DIP2A: variants seen among roughly 807,000 people sequenced by gnomAD.
The protein encoded by DIP2A is DIP2 acetate--CoA ligase A.
DIP2A carries 85 observed loss-of-function variants against 177.4 expected under a neutral mutation model. The observed-to-expected ratio is 0.48, with a 90% CI of 0.40 to 0.57. DIP2A has a LOEUF of 0.57. Ranked by LOEUF, DIP2A falls within the 20% of genes least tolerant of loss-of-function variation. DIP2A has a pLI of 0.00. For synonymous variants in DIP2A, 886 were observed against 881.8 expected, an observed-to-expected ratio of 1.00 and a Z score of -0.08; for missense variants, 1,791 against 2,100.2, an observed-to-expected ratio of 0.85 and a Z score of 2.88.
At chr21:46,513,335 T>A (rs2058398303) in intron 8 of DIP2A, among the ~76,000 whole-genome samples, 2 of 152,242 alleles carry the variant, frequency 1.3e-5, no homozygotes, top group African/African-American at 4.8e-5. Context: ...TCTAACTGAC[T>A]CAGTATCATT....
At chr21:46,507,246 T>A (rs1035718740) in intron 6 of DIP2A, among the ~76,000 whole-genome samples, 1 of 152,222 alleles carries the variant, frequency 6.6e-6, no homozygotes, top group Admixed American at 6.5e-5. Context: ...CAAATTTTTT[T>A]ATATATTGTG....
Position 46,537,890 on chromosome 21 carries a change from C to T in DIP2A, c.1801+351C>T, listed in dbSNP as rs1569064449. The stretch of plus-strand genomic sequence containing the variant: ...GTCTCTGCCCTGTGGAGCTCAGTGG[C>T]ACTTCTACCAGCCACTGAGGCACTG... On this transcript the variant is annotated intron_variant, in intron 15 of 37. Coordinates refer to ENST00000417564, the MANE Select transcript of DIP2A (RefSeq NM_015151.4). This position sits in a 1 kb window ranked among gnomAD's most constrained non-coding sequence, Gnocchi z 4.1. Among the ~76,000 whole-genome samples the T allele has an allele frequency of 6.6e-6, 1 of 152,182 alleles. No individual in the cohort carries two copies. The highest frequency in any genetic ancestry group is 6.5e-5 in the Admixed American group (1 of 15,286).
intron 26 of DIP2A, 60 bp downstream of exon 26, chr21:46,554,352 C>A: frequency 6.2e-7 from 1 of 1,600,216 alleles, no homozygotes. Flanking sequence ...CTATCCTAAG[C>A]AGCCCCCTAG....
intron 5 of DIP2A, among the ~76,000 whole-genome samples, chr21:46,503,628 CTTT>C (rs2148569150): frequency 8.1e-6 from 1 of 123,672 alleles, no homozygotes; most frequent in Non-Finnish European, 1.7e-5. Context: ...TTCTTTCTTT[CTTT>C]CTTTCCTTTC....
chr21:46,534,381 C>G (rs955311938), intron 12 of DIP2A, among the ~76,000 whole-genome samples: 3 of 152,298 alleles, frequency 2.0e-5, no homozygotes, highest in South Asian at 2.1e-4. Flanking sequence ...CCCTCGGGCA[C>G]CTGCCCAAGA....
chr21:46,583,176 A>G, the DIP2A span, among the ~76,000 whole-genome samples: 2 of 152,222 alleles, frequency 1.3e-5, no homozygotes, highest in African/African-American at 2.4e-5. Flanking sequence ...AGAAGGGTCA[A>G]TCTATCAGGA....
chr21:46,560,755 G>A lies in DIP2A; in HGVS notation c.4003G>A (p.Val1335Met), dbSNP rs775079642. ...TAGPDPTTVY[V>M]DMRALRHDRV... ...TGGCCCGGACCCCACAACCGTCTAC[G>A]TGGACATGCGGGCACTGCGCCATGA... Residue 1335 changes from valine to methionine, a missense_variant, in exon 33 of 38, where the codon GTG (valine) becomes ATG (methionine). Transcript: ENST00000417564. The A allele has an allele frequency of 3.7e-6, 6 of 1,609,066 alleles. No homozygotes were observed. In the African/African-American group the frequency reaches 4.0e-5, roughly 11 times the overall value.
At chr21:46,524,981 G>A (rs930468616) in intron 8 of DIP2A, among the ~76,000 whole-genome samples, 1 of 138,716 alleles carries the variant, frequency 7.2e-6, no homozygotes, top group African/African-American at 2.8e-5. Context: ...CTGCCTTCCG[G>A]ATCAAACAAT....
intron 11 of DIP2A, 120 bp from the exon 12 acceptor site, chr21:46,533,883 TA>T: frequency 9.9e-7 from 1 of 1,005,082 alleles, no homozygotes; most frequent in Non-Finnish European, 1.5e-6. Flanking sequence ...GAAATGAGAC[TA>T]AAACTTGCAC....
intron 2 of DIP2A, among the ~76,000 whole-genome samples, chr21:46,488,961 A>T (rs549850619): frequency 6.6e-6 from 1 of 152,326 alleles, no homozygotes; most frequent in Admixed American, 6.5e-5. Flanking sequence ...TATCATCCAT[A>T]AGGTGTAAGA....
intron 6 of DIP2A, among the ~76,000 whole-genome samples, chr21:46,506,731 T>TCTTCCTTTCTTC (rs1186713899): frequency 1.4e-5 from 1 of 73,824 alleles, no homozygotes; most frequent in Non-Finnish European, 3.4e-5. Flanking sequence ...TGTTTTTCTT[T>TCTTCCTTTCTTC]CTTTCTTTCT....
intron 5 of DIP2A, among the ~76,000 whole-genome samples, chr21:46,502,497 G>A (rs537927192): frequency 1.9e-3 from 270 of 142,550 alleles, no homozygotes; most frequent in Non-Finnish European, 2.8e-3. Flanking sequence ...CCCCAGGCTG[G>A]AGTGCAGTGG....
intron 2 of DIP2A, among the ~76,000 whole-genome samples, chr21:46,488,012 G>T (rs2056793081): frequency 6.6e-6 from 1 of 152,164 alleles, no homozygotes; most frequent in African/African-American, 2.4e-5. Flanking sequence ...TTTTGAAAAA[G>T]AACACTGGTG....
chr21:46,522,040 C>T lies in DIP2A; in HGVS notation c.1103-7052C>T, dbSNP rs778543401. Among the ~76,000 whole-genome samples the T allele has an allele frequency of 5.9e-5, 9 of 152,200 alleles. No homozygotes were observed. The South Asian group carries it at 6.2e-4, about 11-fold the overall frequency. On this transcript the variant is annotated intron_variant, in intron 8 of 37. Coordinates refer to ENST00000417564, the MANE Select transcript of DIP2A (RefSeq NM_015151.4). ...GTTAACCGAAGAAGCAGTTTATGAC[C>T]GTAAAGCATTTAGCAAACCTAATAT...
chr21:46,559,643 C>T (rs772971219), intron 32 of DIP2A, among the ~76,000 whole-genome samples: 3 of 152,192 alleles, frequency 2.0e-5, no homozygotes, highest in Non-Finnish European at 2.9e-5. Flanking sequence ...TGCTAGACGT[C>T]GGAAGGGTAT....
intron 9 of DIP2A, 105 bp from the exon 10 acceptor site, chr21:46,532,022 C>A: frequency 9.9e-7 from 1 of 1,010,234 alleles, no homozygotes; most frequent in Non-Finnish European, 1.5e-6. Context: ...ACAATTATTA[C>A]AATATTTGGG....
intron 1 of DIP2A, among the ~76,000 whole-genome samples, chr21:46,474,784 G>C (rs192095157): frequency 6.6e-6 from 1 of 152,248 alleles, no homozygotes; most frequent in East Asian, 1.9e-4. Context: ...CATCCTGCTA[G>C]GTTTTCAGAA....
At chr21:46,511,233 A>G (rs904247426) in intron 7 of DIP2A, among the ~76,000 whole-genome samples, 184 bp from the exon 8 acceptor site, 1 of 152,216 alleles carries the variant, frequency 6.6e-6, no homozygotes, top group Non-Finnish European at 1.5e-5. Context: ...ATCATCCATG[A>G]CTAAAGCTCC....
the DIP2A span, among the ~76,000 whole-genome samples, chr21:46,575,185 C>T: frequency 8.6e-5 from 13 of 152,024 alleles, no homozygotes; most frequent in African/African-American, 1.7e-4. Flanking sequence ...CACATGTGAT[C>T]GTCTCGATTG....
Sources: allele counts gnomAD v4.1 joint callset (sites outside exome capture counted in the v4.1 genomes callset), GRCh38; gene constraint gnomAD v4.1.1; non-coding constraint Gnocchi (gnomAD v3.1); transcripts MANE v1.5; gene names NCBI Gene and HGNC (gene_info 2026-07-23, HGNC 2026-07-21).